SP3: variants seen among roughly 807,000 people sequenced by gnomAD.
SP3 encodes transcription factor Sp3.
In SP3, 10 loss-of-function variants were observed where a neutral mutation model predicts 70.3. The ratio of observed to expected loss-of-function variants is 0.14; its 90% CI spans 0.09 to 0.24. The LOEUF is 0.24. SP3 is among the 10% of genes least tolerant of loss of function. SP3 has a pLI of 1.00. For missense variants in SP3, 825 were observed against 914.6 expected (o/e 0.90, Z 1.26); for synonymous variants, 402 against 333.5 (o/e 1.21, Z -2.24).
rs1010921824 is a variant in SP3, at chr2:173,905,085, G to C, written c.*4856C>G. Among the ~76,000 whole-genome samples the C allele has an allele frequency of 6.6e-6, 1 of 152,088 alleles. No individual in the cohort carries two copies. The highest frequency in any genetic ancestry group is 1.5e-5 in the Non-Finnish European group (1 of 68,002). ...TTCTTATTCCATCCTTTTCTGATAGGGCAGTCACTTCAGACACTTCATCCA... is the reference window on the plus strand; with the variant it reads ...TTCTTATTCCATCCTTTTCTGATAGCGCAGTCACTTCAGACACTTCATCCA... On this transcript the variant is annotated 3_prime_UTR_variant, in exon 7 of 7. Coordinates refer to ENST00000310015, the MANE Select transcript of SP3 (RefSeq NM_003111.5).
At chr2:173,957,983 A>C (rs1336274593) in intron 3 of SP3, among the ~76,000 whole-genome samples, 1 of 152,196 alleles carries the variant, frequency 6.6e-6, no homozygotes, top group African/African-American at 2.4e-5. Context: ...TTACAGTGAC[A>C]AATGTTTCAT....
intron 4 of SP3, among the ~76,000 whole-genome samples, chr2:173,923,460 T>TA (rs1298971349): frequency 2.0e-5 from 3 of 152,132 alleles, no homozygotes; most frequent in Admixed American, 2.0e-4. Flanking sequence ...AGATTTCTAT[T>TA]AAAAATATTA....
intron 5 of SP3, chr2:173,913,969 TAC>T (rs1187482570): frequency 6.6e-6 from 1 of 152,152 alleles, no homozygotes; most frequent in Non-Finnish European, 1.5e-5. Flanking sequence ...TATAATAAAA[TAC>T]AGTTTTCTCC....
chr2:173,962,866 A>C (rs1470128083), intron 3 of SP3: 1 of 152,222 alleles, frequency 6.6e-6, no homozygotes, highest in Admixed American at 6.5e-5. Context: ...AACAGTCTAA[A>C]AACTGTTCCT....
chr2:173,963,743 G>A lies in SP3; in HGVS notation c.279+18C>T, dbSNP rs542922486. ...GGGCGCCCGGCCTCGGCGGGGGCGGGCCGCGCGCGGGACTTACCGCTCCGG... is the reference window on the plus strand; with the variant it reads ...GGGCGCCCGGCCTCGGCGGGGGCGGACCGCGCGCGGGACTTACCGCTCCGG... On this transcript the variant is annotated intron_variant, in intron 3 of 6. Coordinates refer to ENST00000310015, the MANE Select transcript of SP3 (RefSeq NM_003111.5). 2,031 of 1,007,594 alleles carry A rather than the reference G, an allele frequency of 2.0e-3. 30 individuals are homozygous for A. In the African/African-American group the frequency reaches 0.031, roughly 15 times the overall value. The allele number at this position is 1,007,594 out of a possible 1,614,324, so 62.4% of individuals were successfully genotyped here. A position where few individuals can be genotyped will look rare whatever the true frequency, so the allele number is the denominator to read the frequency against.
intron 5 of SP3, among the ~76,000 whole-genome samples, chr2:173,918,265 C>T (rs969589487): frequency 9.9e-5 from 15 of 152,072 alleles, no homozygotes; most frequent in Non-Finnish European, 1.3e-4. Flanking sequence ...CTATTCTCAA[C>T]CTAAAAAATC....
intron 5 of SP3, 97 bp from the exon 6 acceptor site, chr2:173,913,363 A>C (rs1689541445): frequency 1.1e-6 from 1 of 909,760 alleles, no homozygotes. Context: ...TTTTAAATAG[A>C]AGACATTATC....
intron 3 of SP3, among the ~76,000 whole-genome samples, chr2:173,961,323 A>G (rs1481903216): frequency 6.6e-6 from 1 of 152,204 alleles, no homozygotes; most frequent in Non-Finnish European, 1.5e-5. Context: ...ATTAAAAGCA[A>G]TCTTCAGCAC....
At chr2:173,941,819 T>C (rs980764441) in intron 4 of SP3, among the ~76,000 whole-genome samples, 3 of 152,222 alleles carry the variant, frequency 2.0e-5, no homozygotes, top group African/African-American at 4.8e-5. Flanking sequence ...TGAATTTCTA[T>C]TTGGTTATTT....
intron 4 of SP3, among the ~76,000 whole-genome samples, chr2:173,935,407 C>T (rs1690179964): frequency 6.6e-6 from 1 of 152,158 alleles, no homozygotes; most frequent in Non-Finnish European, 1.5e-5. Flanking sequence ...CAAAACCCAA[C>T]CAACAAAACA....
At chr2:173,920,077 A>G (rs911453779) in intron 4 of SP3, among the ~76,000 whole-genome samples, 1 of 151,120 alleles carries the variant, frequency 6.6e-6, no homozygotes, top group Non-Finnish European at 1.5e-5. Flanking sequence ...CATTTCGAAC[A>G]AAAGAAGCCC....
At chr2:173,951,296 C>T (rs1220839819) in intron 4 of SP3, among the ~76,000 whole-genome samples, 1 of 152,184 alleles carries the variant, frequency 6.6e-6, no homozygotes, top group Non-Finnish European at 1.5e-5. Context: ...TCTCAGAACT[C>T]CTTTCCAAAC....
rs1326413565 is a variant in SP3 at position 173,908,444 on chromosome 2, A to G, written c.*1497T>C. On this transcript the variant is annotated 3_prime_UTR_variant, in exon 7 of 7. Transcript: ENST00000310015. Reference sequence around the variant, plus strand: ...AGTGTCTAAAATCAAGAATCTAAAAATAAAAAGCCAAGTTGAAGAAAAATA... The same window carrying G: ...AGTGTCTAAAATCAAGAATCTAAAAGTAAAAAGCCAAGTTGAAGAAAAATA... 6.6e-6 allele frequency: 1 copy of G among 152,514 alleles called. No homozygotes were observed. Among genetic ancestry groups the G allele is most frequent in the Non-Finnish European group, 1.5e-5 (1 of 67,928 alleles). 9.4% of individuals were successfully genotyped at this position (152,514 alleles called of 1,614,324 possible). A position where few individuals can be genotyped will look rare whatever the true frequency, so the allele number is the denominator to read the frequency against.
intron 4 of SP3, among the ~76,000 whole-genome samples, chr2:173,939,185 G>GT (rs1430592929): frequency 1.3e-5 from 2 of 152,176 alleles, no homozygotes; most frequent in African/African-American, 2.4e-5. Context: ...CAAGAGCGCT[G>GT]TAAGTTATCT....
intron 6 of SP3, among the ~76,000 whole-genome samples, chr2:173,912,700 C>T (rs934560939): frequency 6.6e-6 from 1 of 151,576 alleles, no homozygotes; most frequent in African/African-American, 2.4e-5. Context: ...TCAGAAGAAA[C>T]AGGAGTATTT....
chr2:173,932,529 G>A (rs966715682), intron 4 of SP3, among the ~76,000 whole-genome samples: 1 of 152,006 alleles, frequency 6.6e-6, no homozygotes, highest in Non-Finnish European at 1.5e-5. Flanking sequence ...CAGGGAGGAG[G>A]GAGGCCCGAG....
At chr2:173,934,353 CT>C (rs1405339328) in intron 4 of SP3, among the ~76,000 whole-genome samples, 1 of 152,100 alleles carries the variant, frequency 6.6e-6, no homozygotes, top group Non-Finnish European at 1.5e-5. Flanking sequence ...TTTAAATCCT[CT>C]TTAAAACTTT....
At chr2:173,915,690 T>A (rs1689603524) in intron 5 of SP3, 1 of 152,094 alleles carries the variant, frequency 6.6e-6, no homozygotes, top group African/African-American at 2.4e-5. Context: ...TTTAAAAATA[T>A]GGACTGATGT....
intron 5 of SP3, chr2:173,916,797 A>C (rs908020130): frequency 2.0e-5 from 3 of 152,112 alleles, no homozygotes; most frequent in African/African-American, 7.2e-5. Flanking sequence ...ATAATCAGAC[A>C]AATGTGCAAA....
Sources: allele counts gnomAD v4.1 joint callset (sites outside exome capture counted in the v4.1 genomes callset), GRCh38; gene constraint gnomAD v4.1.1; transcripts MANE v1.5; gene names NCBI Gene and HGNC (gene_info 2026-07-23, HGNC 2026-07-21).